BICRAL: variants seen among roughly 807,000 people sequenced by gnomAD.
The protein encoded by BICRAL is BICRA like chromatin remodeling complex associated protein, also known as BRD4-interacting chromatin-remodeling complex-associated protein-like.
A neutral mutation model predicts 91.8 loss-of-function variants in BICRAL; 8 were observed. That is an observed-to-expected ratio of 0.09 (90% confidence interval 0.05 to 0.16). BICRAL has a LOEUF of 0.16. Ranked by LOEUF, BICRAL falls within the 10% of genes least tolerant of loss-of-function variation. The pLI, the probability that BICRAL is intolerant of heterozygous loss-of-function variation, is 1.00. For missense variants in BICRAL, 1,038 were observed against 1,310.9 expected, an observed-to-expected ratio of 0.79 and a Z score of 3.21; for synonymous variants, 445 against 491.1, an observed-to-expected ratio of 0.91 and a Z score of 1.24.
intron 1 of BICRAL, among the ~76,000 whole-genome samples, chr6:42,790,800 T>C (rs192998549): frequency 1.3e-5 from 2 of 152,146 alleles, no homozygotes; most frequent in East Asian, 3.9e-4. Flanking sequence ...CTGCATGGCA[T>C]GGCTCTTGCT....
Position 42,818,696 on chromosome 6 carries a change from G to T in BICRAL, c.-5-3322G>T, listed in dbSNP as rs559598527. ...CCATGAGTTATTCTATTACTTTAAG[G>T]TTCTTTCTCCATCCACCATTTAACT... On this transcript the variant is annotated intron_variant, in intron 2 of 12. Coordinates refer to ENST00000314073, the MANE Select transcript of BICRAL (RefSeq NM_001393499.1). Among the ~76,000 whole-genome samples the T allele has an allele frequency of 6.2e-4, 94 of 151,354 alleles. 1 individual carries two copies. Among genetic ancestry groups the T allele is most frequent in the Non-Finnish European group, 1.2e-3 (81 of 67,882 alleles).
At chr6:42,807,277 G>T (rs1022247644) in intron 1 of BICRAL, among the ~76,000 whole-genome samples, 1 of 151,316 alleles carries the variant, frequency 6.6e-6, no homozygotes. Flanking sequence ...TCCGCCTTCC[G>T]GGTTCATGCC....
Position 42,865,373 on chromosome 6 carries a change from C to G in BICRAL, c.3167C>G (p.Pro1056Arg). The stretch of plus-strand genomic sequence containing the variant: ...GAAAACTGCCTGGAAAAGTTCATCC[C>G]GGACCACAGTGAAGGTGTTGTAGAA... Reference protein sequence around the residue: ...SQENCLEKFIPDHSEGVVETD... With the variant: ...SQENCLEKFIRDHSEGVVETD... The change falls in exon 13 of 13, where the codon CCG becomes CGG. Residue 1056 changes from proline (P) to arginine (R), a missense_variant. Pro to Arg is a moderately radical substitution (Grantham distance 103). Transcript: ENST00000314073. 2 of 1,613,384 alleles carry G rather than the reference C, an allele frequency of 1.2e-6. No individual in the cohort carries two copies. The highest frequency in any genetic ancestry group is 1.7e-6 in the Non-Finnish European group (2 of 1,179,364).
intron 1 of BICRAL, among the ~76,000 whole-genome samples, chr6:42,790,915 G>A (rs1455249241): frequency 1.3e-5 from 2 of 151,998 alleles, no homozygotes; most frequent in Non-Finnish European, 2.9e-5. Context: ...AGTATGGAGA[G>A]GTGAGAGAGC....
intron 1 of BICRAL, among the ~76,000 whole-genome samples, chr6:42,807,790 G>A (rs1361070202): frequency 1.3e-5 from 2 of 149,906 alleles, no homozygotes; most frequent in African/African-American, 4.9e-5. Flanking sequence ...TGGCAACAGA[G>A]CGAGACTCCG....
At position 42,852,097 on chromosome 6, in the gene BICRAL, GA is replaced by G; in HGVS notation, c.1851del (p.Lys617AsnfsTer3). 1 of 1,590,668 alleles carries G rather than the reference GA, an allele frequency of 6.3e-7. No homozygotes were observed. Among genetic ancestry groups the G allele is most frequent in the Non-Finnish European group, 8.6e-7 (1 of 1,160,326 alleles). ...TQQQFFCQAQ[K>X]KCLNQTSPIS... is the part of the protein sequence containing the mutation. Reference sequence around the variant, plus strand: ...ATCTTTGTCATGTTTCACAGGCTCAGAAAAAATGTCTGAATCAGACTTCCCC... The same window carrying G: ...ATCTTTGTCATGTTTCACAGGCTCAGAAAAATGTCTGAATCAGACTTCCCC... On this transcript the variant is annotated frameshift_variant, in exon 7 of 13. Transcript: ENST00000314073. LOFTEE classifies it high-confidence loss of function.
rs1378154805 is a variant in BICRAL at position 42,829,643 on chromosome 6, T to G, written c.1310T>G (p.Val437Gly). The G allele has an allele frequency of 6.2e-7, 1 of 1,614,222 alleles. No individual in the cohort carries two copies. The stretch of plus-strand genomic sequence containing the variant: ...CCCTCTCAGCTCATTTCTGGCCAAG[T>G]GGCCTCAGAGCATGTCATGTTGAAC... The part of the protein sequence containing the change: ...TQPSQLISGQ[V>G]ASEHVMLNRN... The change falls in exon 6 of 13, where the codon GTG (valine) becomes GGG (glycine). Residue 437 changes from valine (V) to glycine (G), a missense_variant. Val to Gly is a moderately radical substitution (Grantham distance 109). This residue lies in a region of BICRAL where 532 missense variants were observed against 724.9 expected (regional missense o/e 0.73). Coordinates refer to ENST00000314073, the MANE Select transcript of BICRAL (RefSeq NM_001393499.1).
At chr6:42,864,062 G>A in intron 12 of BICRAL, among the ~76,000 whole-genome samples, 1 of 151,948 alleles carries the variant, frequency 6.6e-6, no homozygotes, top group South Asian at 2.1e-4. Flanking sequence ...AGCTACTCGG[G>A]AAGCTAAGGC....
At chr6:42,814,515 ATATATT>A (rs1763927073) in intron 2 of BICRAL, among the ~76,000 whole-genome samples, 1 of 92,782 alleles carries the variant, frequency 1.1e-5, no homozygotes. Flanking sequence ...ATATATATAT[ATATATT>A]TTTTTTTTTT....
intron 1 of BICRAL, among the ~76,000 whole-genome samples, chr6:42,767,234 G>A (rs1269719270): frequency 6.6e-6 from 1 of 152,084 alleles, no homozygotes; most frequent in Non-Finnish European, 1.5e-5. Flanking sequence ...TGTGTTGTAT[G>A]TGTGTGGATT....
At chr6:42,853,573 G>C in intron 7 of BICRAL, 65 bp from the exon 8 acceptor site, 1 of 1,161,344 alleles carries the variant, frequency 8.6e-7, no homozygotes, top group Non-Finnish European at 1.3e-6. Context: ...TTGGGTTCTA[G>C]GGTTATATGA....
chr6:42,867,120 A>G lies in BICRAL; in HGVS notation c.*1674A>G. On this transcript the variant is annotated 3_prime_UTR_variant, in exon 13 of 13. Coordinates refer to ENST00000314073, the MANE Select transcript of BICRAL (RefSeq NM_001393499.1). ...GCTTCTGGCTGTCGCCAACATGGGG[A>G]TGACCCCCATTGTCATCATGTTGGG... 2 of 274,696 alleles carry G rather than the reference A, an allele frequency of 7.3e-6. No homozygotes were observed. Among genetic ancestry groups the G allele is most frequent in the Non-Finnish European group, 1.5e-5 (2 of 137,200 alleles). 17.0% of individuals were successfully genotyped at this position (274,696 alleles called of 1,614,324 possible). A position where few individuals can be genotyped will look rare whatever the true frequency, so the allele number is the denominator to read the frequency against.
intron 1 of BICRAL, among the ~76,000 whole-genome samples, chr6:42,796,211 C>T (rs1763409662): frequency 6.6e-6 from 1 of 152,120 alleles, no homozygotes; most frequent in Non-Finnish European, 1.5e-5. Flanking sequence ...ATGGGGTAAA[C>T]ATATAGAAAG....
intron 1 of BICRAL, among the ~76,000 whole-genome samples, chr6:42,758,689 C>T (rs1351935636): frequency 6.7e-6 from 1 of 149,882 alleles, no homozygotes; most frequent in Non-Finnish European, 1.5e-5. Flanking sequence ...TAAGCTGGGT[C>T]CTTATGATGG....
At chr6:42,785,777 C>G (rs1433756507) in intron 1 of BICRAL, among the ~76,000 whole-genome samples, 1 of 152,000 alleles carries the variant, frequency 6.6e-6, no homozygotes. Flanking sequence ...AGGTCAGGGC[C>G]AGGCACAGTG....
chr6:42,834,843 C>A (rs1489674945), intron 6 of BICRAL, among the ~76,000 whole-genome samples: 1 of 152,054 alleles, frequency 6.6e-6, no homozygotes, highest in Non-Finnish European at 1.5e-5. Context: ...CCTGCCCTAC[C>A]ATCAACTATT....
chr6:42,853,065 A>AG (rs1361677840), intron 7 of BICRAL, among the ~76,000 whole-genome samples: 1 of 64,932 alleles, frequency 1.5e-5, no homozygotes, highest in African/African-American at 4.5e-5. Context: ...ACCTTGTCTC[A>AG]AAAAAAAAAA....
Position 42,845,956 on chromosome 6 carries a change from A to T in BICRAL, c.1840-6136A>T, listed in dbSNP as rs182657535. Among the ~76,000 whole-genome samples the T allele has an allele frequency of 2.5e-3, 372 of 149,866 alleles. 3 individuals carry two copies. The highest frequency in any genetic ancestry group is 0.014 in the Middle Eastern group (4 of 286). ...CGTGGTGGCGGGTGCCTGTAGTCCCAGCTAATCGGGAGGCTGAGGCAGGAG... is the reference window on the plus strand; with the variant it reads ...CGTGGTGGCGGGTGCCTGTAGTCCCTGCTAATCGGGAGGCTGAGGCAGGAG... On this transcript the variant is annotated intron_variant, in intron 6 of 12. Transcript: ENST00000314073.
intron 6 of BICRAL, among the ~76,000 whole-genome samples, chr6:42,837,836 A>C (rs981923641): frequency 1.3e-5 from 2 of 152,064 alleles, no homozygotes; most frequent in African/African-American, 4.8e-5. Flanking sequence ...TTGCCCACCC[A>C]CCCAGTTGCC....
Sources: allele counts gnomAD v4.1 joint callset (sites outside exome capture counted in the v4.1 genomes callset), GRCh38; gene constraint gnomAD v4.1.1; regional missense constraint gnomAD v4.1.1; transcripts MANE v1.5; gene names NCBI Gene and HGNC (gene_info 2026-07-23, HGNC 2026-07-21).